The following SYT9 variants were observed in gnomAD, a reference collection of about 807,000 sequenced individuals.
SYT9 encodes synaptotagmin-9.
Under a neutral mutation model 48.4 loss-of-function variants are expected in SYT9, and 22 were observed. That is an observed-to-expected ratio of 0.45 (90% CI 0.32 to 0.65). The LOEUF (loss-of-function observed/expected upper bound fraction) is 0.65. Ranked by LOEUF, SYT9 falls within the 30% of genes least tolerant of loss-of-function variation. The probability of loss-of-function intolerance (pLI) is 0.03; values close to 1 mark genes in which losing one functional copy is unlikely to be tolerated. For missense variants in SYT9, 577 were observed against 622.0 expected, an observed-to-expected ratio of 0.93 and a Z score of 0.77; for synonymous variants, 265 against 245.0, an observed-to-expected ratio of 1.08 and a Z score of -0.76.
chr11:7,303,849 C>T (rs1848985974), intron 2 of SYT9, among the ~76,000 whole-genome samples: 1 of 152,146 alleles, frequency 6.6e-6, no homozygotes, highest in Non-Finnish European at 1.5e-5. Flanking sequence ...AATTTATTCC[C>T]TGTGCATCTG....
chr11:7,405,107 A>G (rs1372637952), intron 3 of SYT9, among the ~76,000 whole-genome samples: 2 of 151,984 alleles, frequency 1.3e-5, no homozygotes, highest in Non-Finnish European at 2.9e-5. Flanking sequence ...AAAAAAAAAA[A>G]AAAGCCAAAT....
intron 3 of SYT9, among the ~76,000 whole-genome samples, chr11:7,410,410 A>G (rs1444827955): frequency 2.0e-5 from 3 of 152,162 alleles, no homozygotes; most frequent in Non-Finnish European, 4.4e-5. Context: ...TTCTGTCTAG[A>G]TGATTTGACT....
chr11:7,266,074 A>G (rs1848175467), intron 1 of SYT9, among the ~76,000 whole-genome samples: 2 of 152,154 alleles, frequency 1.3e-5, no homozygotes, highest in East Asian at 1.9e-4. Flanking sequence ...GAGGATCCCA[A>G]GTTAAACATA....
intron 6 of SYT9, among the ~76,000 whole-genome samples, chr11:7,433,707 G>A (rs1168598549): frequency 1.3e-5 from 2 of 152,198 alleles, no homozygotes; most frequent in South Asian, 2.1e-4. Context: ...TCTACCATAC[G>A]AGGACACAGA....
intron 6 of SYT9, among the ~76,000 whole-genome samples, chr11:7,432,579 AAAAATATATATACATATATATATATATAT>A (rs1847617094): frequency 9.8e-4 from 7 of 7,168 alleles, no homozygotes; most frequent in South Asian, 0.018. Context: ...AAAAAAAAAA[AAAAATATATATACATATATATATATATAT>A]ATATATATAT....
At chr11:7,314,738 C>A (rs1384855756) in intron 3 of SYT9, among the ~76,000 whole-genome samples, 2 of 152,178 alleles carry the variant, frequency 1.3e-5, no homozygotes, top group African/African-American at 2.4e-5. Context: ...TATTTTAAAG[C>A]CACTTGTTTC....
chr11:7,312,237 T>C (rs7949396), intron 2 of SYT9, among the ~76,000 whole-genome samples: 82,562 of 152,000 alleles, frequency 0.54, 23,367 homozygotes, highest in Non-Finnish European at 0.62. Context: ...TACTTTCAAA[T>C]GTGTCTGGGG....
upstream of SYT9, among the ~76,000 whole-genome samples, chr11:7,251,780 G>T (rs1365368393): frequency 6.6e-6 from 1 of 152,140 alleles, no homozygotes; most frequent in African/African-American, 2.4e-5. Context: ...GCTCGGCCAG[G>T]AGCCGGGGAG....
chr11:7,435,894 T>C (rs1246327506), intron 6 of SYT9: 1 of 152,136 alleles, frequency 6.6e-6, no homozygotes, highest in African/African-American at 2.4e-5. Context: ...GGCAGGAGAA[T>C]TGCATGAACC....
rs1363390130 is a variant in SYT9, at chr11:7,252,204, C to T, written c.18C>T (p.Asp6=). The change falls in exon 1 of 7, where the codon GAC becomes GAT. Residue 6 remains aspartate (D), a synonymous_variant. Coordinates refer to ENST00000318881, the MANE Select transcript of SYT9 (RefSeq NM_175733.4). This position sits in a 1 kb window ranked among gnomAD's most constrained non-coding sequence, Gnocchi z 6.3. ...GGGGGGCGATGCCCGGGGCCAGGGA[C>T]GCGCTCTGTCACCAGGCGCTGCAGC... MPGAR[D]ALCHQALQLL... is the part of the protein sequence containing the mutation. The T allele has an allele frequency of 2.7e-6, 4 of 1,470,630 alleles. No individual in the cohort carries two copies. The highest frequency in any genetic ancestry group is 2.5e-5 in the Admixed American group (1 of 40,114). 91.1% of individuals were successfully genotyped at this position (1,470,630 alleles called of 1,614,324 possible).
chr11:7,438,983 A>T (rs1356020619), intron 6 of SYT9: 1 of 152,214 alleles, frequency 6.6e-6, no homozygotes, highest in Non-Finnish European at 1.5e-5. Context: ...CATTTACTCT[A>T]AAGCTCTAAA....
chr11:7,431,176 C>T (rs1847562995), intron 6 of SYT9, among the ~76,000 whole-genome samples: 1 of 152,180 alleles, frequency 6.6e-6, no homozygotes, highest in Non-Finnish European at 1.5e-5. Context: ...GGAAATGAGG[C>T]TCTTATTGGG....
intron 1 of SYT9, among the ~76,000 whole-genome samples, chr11:7,272,720 T>C (rs988004580): frequency 1.3e-5 from 2 of 152,248 alleles, no homozygotes; most frequent in South Asian, 2.1e-4. Context: ...TGGGAGCACA[T>C]AGGAGGGGCA....
chr11:7,244,506 G>A lies in SYT9; in HGVS notation c.49+5590G>A, dbSNP rs1045921551. On this transcript the variant is annotated intron_variant and NMD_transcript_variant, in intron 1 of 8. Transcript: ENST00000524820. ...GTCACAGAACATGAACTCTAAGTCA[G>A]TGCTAGTCTCTTGGTCCAGATAAAT... 3.9e-5 allele frequency among the ~76,000 whole-genome samples: 6 copies of A among 152,300 alleles called. No individual in the cohort carries two copies. In the East Asian group the frequency reaches 9.6e-4, roughly 24 times the overall value.
chr11:7,303,178 C>A lies in SYT9; in HGVS notation c.285C>A (p.Asn95Lys). The change falls in exon 2 of 7, where the codon AAC becomes AAA. Residue 95 changes from asparagine (N) to lysine (K), a missense_variant. Coordinates refer to ENST00000318881, the MANE Select transcript of SYT9 (RefSeq NM_175733.4). ...RGLPSGSKDN[N>K]QEPLNYMDTE... ...TGCCCTCTGGTAGCAAAGACAACAA[C>A]CAGGAGCCCCTTAACTACATGGACA... 6.2e-7 allele frequency: 1 copy of A among 1,614,198 alleles called. No homozygotes were observed. The highest frequency in any genetic ancestry group is 8.5e-7 in the Non-Finnish European group (1 of 1,180,040).
intron 3 of SYT9, among the ~76,000 whole-genome samples, chr11:7,402,535 T>C (rs1846914792): frequency 6.6e-6 from 1 of 152,174 alleles, no homozygotes; most frequent in Admixed American, 6.5e-5. Context: ...TACACATTTA[T>C]AATTGTTATG....
intron 1 of SYT9, among the ~76,000 whole-genome samples, chr11:7,245,101 G>A (rs1328134839): frequency 1.3e-5 from 2 of 152,212 alleles, no homozygotes; most frequent in African/African-American, 2.4e-5. Flanking sequence ...TGGAGCAGCA[G>A]TGTGGCATGG....
chr11:7,334,949 C>T (rs1429485885), intron 3 of SYT9, among the ~76,000 whole-genome samples: 1 of 152,116 alleles, frequency 6.6e-6, no homozygotes, highest in Non-Finnish European at 1.5e-5. Flanking sequence ...CATTCATGTG[C>T]TTTGTATGGA....
intron 1 of SYT9, among the ~76,000 whole-genome samples, chr11:7,268,681 T>C (rs1298408201): frequency 6.6e-6 from 1 of 151,996 alleles, no homozygotes; most frequent in Non-Finnish European, 1.5e-5. Context: ...AGTCACAAAC[T>C]TGACACATTT....
Sources: gnomAD v4.1 joint callset for allele counts (sites outside exome capture counted in the v4.1 genomes callset) on GRCh38, gnomAD v4.1.1 for gene constraint, Gnocchi (gnomAD v3.1) non-coding constraint, MANE v1.5 for transcripts, NCBI Gene and HGNC (gene_info 2026-07-23, HGNC 2026-07-21) for gene names.